The following WWOX variants were observed in gnomAD, a reference collection of about 807,000 sequenced individuals.
The protein encoded by WWOX is WW domain-containing oxidoreductase.
A neutral mutation model predicts 46.2 loss-of-function variants in WWOX; 69 were observed. The ratio of observed to expected loss-of-function variants is 1.49; its 90% CI spans 1.23 to 1.82. WWOX has a LOEUF of 1.82. WWOX is among the 40% of genes most tolerant of loss of function. WWOX has a pLI of 0.00. For synonymous variants in WWOX, 359 were observed against 202.6 expected (o/e 1.77, Z -6.56); for missense variants, 919 against 542.6 (o/e 1.69, Z -6.89).
chr16:78,530,151 GC>G (rs993045081), intron 8 of WWOX, among the ~76,000 whole-genome samples: 5 of 152,168 alleles, frequency 3.3e-5, no homozygotes, highest in African/African-American at 1.2e-4. Flanking sequence ...CTCTGTACTG[GC>G]CCTGGGATAG....
intron 8 of WWOX, among the ~76,000 whole-genome samples, chr16:78,601,995 G>C (rs1012535325): frequency 2.6e-5 from 4 of 152,146 alleles, no homozygotes; most frequent in Non-Finnish European, 5.9e-5. Context: ...TATAGAGTCA[G>C]GCAAACAATG....
chr16:79,013,391 C>T (rs940873661), intron 8 of WWOX, among the ~76,000 whole-genome samples: 11 of 152,230 alleles, frequency 7.2e-5, no homozygotes, highest in African/African-American at 2.4e-4. Context: ...TATCTTGTCT[C>T]TGCTCAGTTC....
intron 5 of WWOX, among the ~76,000 whole-genome samples, chr16:78,209,168 T>C (rs1228878063): frequency 1.3e-5 from 2 of 152,196 alleles, no homozygotes; most frequent in Non-Finnish European, 2.9e-5. Flanking sequence ...GAAAATCAAA[T>C]ACAATGGGTA....
At chr16:78,679,349 G>A (rs985154312) in intron 8 of WWOX, among the ~76,000 whole-genome samples, 9 of 152,092 alleles carry the variant, frequency 5.9e-5, no homozygotes, top group Non-Finnish European at 1.2e-4. Flanking sequence ...TCAGGAGTTC[G>A]AGACCAGCTT....
chr16:78,505,460 C>G (rs964622326), intron 8 of WWOX, among the ~76,000 whole-genome samples: 1 of 152,104 alleles, frequency 6.6e-6, no homozygotes. Flanking sequence ...TGAAAATCAT[C>G]TTACTTTTTT....
At chr16:78,883,958 A>T (rs1038985456) in intron 8 of WWOX, among the ~76,000 whole-genome samples, 2 of 152,162 alleles carry the variant, frequency 1.3e-5, no homozygotes, top group Non-Finnish European at 2.9e-5. Context: ...ACATAGGATC[A>T]AATATAAGTA....
intron 5 of WWOX, among the ~76,000 whole-genome samples, chr16:78,254,058 C>T (rs897253704): frequency 6.6e-6 from 1 of 151,806 alleles, no homozygotes; most frequent in East Asian, 1.9e-4. Flanking sequence ...TTTTTAATGT[C>T]TTTCGTGAAG....
intron 4 of WWOX, among the ~76,000 whole-genome samples, chr16:78,144,524 T>TATATATA (rs1491445507): frequency 4.3e-5 from 1 of 23,096 alleles, no homozygotes; most frequent in African/African-American, 2.0e-4. Context: ...TATATATATA[T>TATATATA]TTTTTTTTTT....
At chr16:78,813,740 C>T (rs1184313158) in intron 8 of WWOX, among the ~76,000 whole-genome samples, 4 of 152,066 alleles carry the variant, frequency 2.6e-5, no homozygotes, top group East Asian at 1.9e-4. Flanking sequence ...TCTTTGTCGC[C>T]GTTAATTTTG....
intron 8 of WWOX, among the ~76,000 whole-genome samples, chr16:78,670,989 AGCCAAGGAAT>A (rs2047449310): frequency 6.6e-6 from 1 of 152,008 alleles, no homozygotes; most frequent in African/African-American, 2.4e-5. Context: ...GCCATCTACC[AGCCAAGGAAT>A]GCCAAGGCTG....
chr16:78,927,403 T>C (rs982246808), intron 8 of WWOX, among the ~76,000 whole-genome samples: 1 of 152,222 alleles, frequency 6.6e-6, no homozygotes, highest in African/African-American at 2.4e-5. Context: ...ACTGTTCTTA[T>C]GTCTGTTATT....
chr16:78,687,795 C>A (rs2047896769), intron 8 of WWOX, among the ~76,000 whole-genome samples: 1 of 152,126 alleles, frequency 6.6e-6, no homozygotes, highest in African/African-American at 2.4e-5. Context: ...ATTTTGGAAC[C>A]TTTAGGGCTT....
chr16:79,087,008 G>C (rs960469960), intron 8 of WWOX, among the ~76,000 whole-genome samples: 1 of 152,210 alleles, frequency 6.6e-6, no homozygotes, highest in African/African-American at 2.4e-5. Flanking sequence ...GCAGCCTAGG[G>C]AATGGAGATA....
chr16:78,971,205 A>C (rs2046461977), intron 8 of WWOX, among the ~76,000 whole-genome samples: 1 of 152,058 alleles, frequency 6.6e-6, no homozygotes, highest in Non-Finnish European at 1.5e-5. Context: ...CTACACCTGT[A>C]ATCCCAGCAC....
At chr16:78,889,105 C>G (rs2044531680) in intron 8 of WWOX, among the ~76,000 whole-genome samples, 1 of 152,252 alleles carries the variant, frequency 6.6e-6, no homozygotes, top group African/African-American at 2.4e-5. Context: ...GCTTCACTGC[C>G]TGCCCTGTGG....
rs1023123497 is a variant in WWOX at position 78,425,073 on chromosome 16, A to G, written c.791+18A>G. On this transcript the variant is annotated intron_variant, in intron 7 of 8. Transcript: ENST00000566780. ...TCCCATCGGTGGGTTTGAATTGCAT[A>G]TTTGTTCACTTATCCCCTTTCTCAT... The G allele has an allele frequency of 1.2e-6, 2 of 1,612,578 alleles. No individual in the cohort carries two copies. The highest frequency in any genetic ancestry group is 2.2e-5 in the East Asian group (1 of 44,848).
intron 8 of WWOX, among the ~76,000 whole-genome samples, chr16:78,601,089 C>A (rs550518475): frequency 6.6e-6 from 1 of 152,168 alleles, no homozygotes. Flanking sequence ...ATGTGTCAGG[C>A]CTTCAGGACT....
chr16:78,192,507 A>AAG (rs1279579765), intron 5 of WWOX, among the ~76,000 whole-genome samples: 1 of 151,720 alleles, frequency 6.6e-6, no homozygotes, highest in Non-Finnish European at 1.5e-5. Context: ...AAAAAAAAAA[A>AAG]AAAAGAAAGA....
At position 78,370,996 on chromosome 16, in the gene WWOX, T is replaced by C. The variant is rs951827954; in HGVS notation, c.517-15864T>C. Among the ~76,000 whole-genome samples, 5 of 149,552 alleles carry C rather than the reference T, an allele frequency of 3.3e-5. No homozygotes were observed. In the East Asian group the frequency reaches 7.8e-4, roughly 23 times the overall value. ...TTGTGATTTCTTTTTTTTTTTTTTTTACTTGTTTGTCCTTTCTTTTATTAT... is the reference window on the plus strand; with the variant it reads ...TTGTGATTTCTTTTTTTTTTTTTTTCACTTGTTTGTCCTTTCTTTTATTAT... On this transcript the variant is annotated intron_variant, in intron 5 of 8. Transcript: ENST00000566780.
Sources: gnomAD v4.1 joint callset for allele counts (sites outside exome capture counted in the v4.1 genomes callset) on GRCh38, gnomAD v4.1.1 for gene constraint, MANE v1.5 for transcripts, NCBI Gene and HGNC (gene_info 2026-07-23, HGNC 2026-07-21) for gene names.